The following ZNF578 variants were observed in gnomAD, a reference collection of about 807,000 sequenced individuals.
ZNF578 encodes zinc finger protein 578.
ZNF578 carries 8 observed loss-of-function variants against 8.3 expected under a neutral mutation model. The observed-to-expected ratio is 0.96, with a 90% CI of 0.56 to 1.74. The LOEUF (loss-of-function observed/expected upper bound fraction) is 1.74. Ranked by LOEUF, ZNF578 falls within the 40% of genes most tolerant of loss-of-function variation. The pLI is 0.00. For missense variants in ZNF578, 726 were observed against 707.5 expected, an observed-to-expected ratio of 1.03 and a Z score of -0.30; for synonymous variants, 206 against 232.2, an observed-to-expected ratio of 0.89 and a Z score of 1.03.
In ZNF578 at chr19:52,515,297, T is replaced by G. The variant is rs1243266352; in HGVS notation, c.*3143T>G. Among the ~76,000 whole-genome samples the G allele has an allele frequency of 6.6e-6, 1 of 152,156 alleles. No homozygotes were observed. Among genetic ancestry groups the G allele is most frequent in the African/African-American group, 2.4e-5 (1 of 41,436 alleles). On this transcript the variant is annotated 3_prime_UTR_variant, in exon 6 of 6. Coordinates refer to ENST00000421239, the MANE Select transcript of ZNF578 (RefSeq NM_001099694.2). ...ATTCTTGATTGAAATAATTTGCTTA[T>G]TTCTTAGTTCTACAGCTGACCCTCT...
Position 52,513,792 on chromosome 19 carries a change from G to A in ZNF578, c.*1638G>A, listed in dbSNP as rs2059460963. Reference sequence around the variant, plus strand: ...TCATCCCACAGCACTTTGGAAGACTGAAGTGAGTGGATCATCTAAGATCAG... The same window carrying A: ...TCATCCCACAGCACTTTGGAAGACTAAAGTGAGTGGATCATCTAAGATCAG... On this transcript the variant is annotated 3_prime_UTR_variant, in exon 6 of 6. Transcript: ENST00000421239. Among the ~76,000 whole-genome samples the A allele has an allele frequency of 6.6e-6, 1 of 151,130 alleles. No individual in the cohort carries two copies. The highest frequency in any genetic ancestry group is 6.6e-5 in the Admixed American group (1 of 15,180).
In ZNF578 at chr19:52,505,878, G is replaced by C. The variant is rs368532501; in HGVS notation, c.190+1097G>C. Reference sequence around the variant, plus strand: ...ACTGTCATTTCCTTCAGACACAGTGGCTTTCAACTTGTTAGTTTCTATGTT... The same window carrying C: ...ACTGTCATTTCCTTCAGACACAGTGCCTTTCAACTTGTTAGTTTCTATGTT... On this transcript the variant is annotated intron_variant, in intron 5 of 5. Transcript: ENST00000421239. 7.2e-5 allele frequency among the ~76,000 whole-genome samples: 11 copies of C among 151,890 alleles called. No homozygotes were observed. In the East Asian group the frequency reaches 9.6e-4, roughly 13 times the overall value.
chr19:52,465,880 G>A (rs149928214), intron 2 of ZNF578, among the ~76,000 whole-genome samples: 68 of 152,310 alleles, frequency 4.5e-4, no homozygotes, highest in South Asian at 4.1e-3. Flanking sequence ...ACGCTTGAGC[G>A]TTCCTTTACC....
At chr19:52,493,278 T>C (rs1310686276) in intron 3 of ZNF578, among the ~76,000 whole-genome samples, 3 of 152,074 alleles carry the variant, frequency 2.0e-5, no homozygotes, top group Non-Finnish European at 2.9e-5. Context: ...CCTGCAGGTG[T>C]CACCCTTGTC....
chr19:52,499,689 G>GTTTTTTC (rs562287276), intron 3 of ZNF578, among the ~76,000 whole-genome samples: 1 of 141,548 alleles, frequency 7.1e-6, no homozygotes, highest in East Asian at 2.0e-4. Context: ...CTTCCAAATC[G>GTTTTTTC]TTTTTTTTTT....
At chr19:52,483,770 G>A (rs2059335363) in intron 2 of ZNF578, among the ~76,000 whole-genome samples, 1 of 152,160 alleles carries the variant, frequency 6.6e-6, no homozygotes, top group Non-Finnish European at 1.5e-5. Flanking sequence ...CTGTACTTGT[G>A]ACATCATAAT....
intron 3 of ZNF578, among the ~76,000 whole-genome samples, chr19:52,495,163 T>G (rs112410513): frequency 0.039 from 5,626 of 143,314 alleles, 624 homozygotes; most frequent in Non-Finnish European, 0.049. Context: ...CTAATTATTA[T>G]TAGTAGTAGT....
At chr19:52,498,009 AAACACCT>A (rs1255526743) in intron 3 of ZNF578, among the ~76,000 whole-genome samples, 1 of 152,186 alleles carries the variant, frequency 6.6e-6, no homozygotes, top group African/African-American at 2.4e-5. Context: ...TCAGTGTTTT[AAACACCT>A]ATTGCTGTGT....
Position 52,484,746 on chromosome 19 carries a change from T to C in ZNF578, c.-121-6578T>C, listed in dbSNP as rs533713757. On this transcript the variant is annotated intron_variant, in intron 2 of 5. Transcript: ENST00000421239. ...CTGGCTCAAAAGCTCCCCCACTGAG[T>C]ACCTTGTGACCCCCACTCTGCCCGC... Among the ~76,000 whole-genome samples the C allele has an allele frequency of 7.9e-3, 1,160 of 147,560 alleles. 17 individuals carry two copies. The highest frequency in any genetic ancestry group is 0.028 in the African/African-American group (1,097 of 39,868).
At chr19:52,468,039 C>T (rs912916217) in intron 2 of ZNF578, among the ~76,000 whole-genome samples, 1 of 151,956 alleles carries the variant, frequency 6.6e-6, no homozygotes, top group Non-Finnish European at 1.5e-5. Flanking sequence ...CATTTATGTG[C>T]CCCCTAAACT....
At chr19:52,456,425 A>G (rs975342000) in intron 1 of ZNF578, 2 of 152,228 alleles carry the variant, frequency 1.3e-5, no homozygotes, top group Non-Finnish European at 2.9e-5. Context: ...GCAGTGTCCC[A>G]CATGATTCTA....
At chr19:52,483,799 TAGTC>T (rs1168988075) in intron 2 of ZNF578, among the ~76,000 whole-genome samples, 3 of 152,214 alleles carry the variant, frequency 2.0e-5, no homozygotes, top group Non-Finnish European at 2.9e-5. Flanking sequence ...CCGACACTGT[TAGTC>T]AGTTCTTATT....
At chr19:52,483,780 T>C (rs112953766) in intron 2 of ZNF578, among the ~76,000 whole-genome samples, 1 of 152,226 alleles carries the variant, frequency 6.6e-6, no homozygotes, top group Non-Finnish European at 1.5e-5. Context: ...GACATCATAA[T>C]TGCACCCTCC....
chr19:52,458,484 T>TATATATATATATA (rs1167339096), intron 2 of ZNF578: 15 of 11,598 alleles, frequency 1.3e-3, no homozygotes, highest in Non-Finnish European at 2.2e-3. Context: ...ATATATATAT[T>TATATATATATATA]TTGAAAATCT....
intron 2 of ZNF578, among the ~76,000 whole-genome samples, chr19:52,464,889 G>C (rs1436804856): frequency 6.6e-6 from 1 of 152,162 alleles, no homozygotes; most frequent in African/African-American, 2.4e-5. Context: ...TTGTAAAAAA[G>C]CAGTCTTTTT....
At chr19:52,467,252 C>G (rs919307725) in intron 2 of ZNF578, among the ~76,000 whole-genome samples, 26 of 152,034 alleles carry the variant, frequency 1.7e-4, no homozygotes, top group African/African-American at 5.1e-4. Flanking sequence ...CTCAAGTGAT[C>G]TGCTGGCCTC....
chr19:52,466,285 C>T (rs1016548696), intron 2 of ZNF578, among the ~76,000 whole-genome samples: 4 of 152,210 alleles, frequency 2.6e-5, no homozygotes, highest in Non-Finnish European at 5.9e-5. Flanking sequence ...TAGGAGCCAG[C>T]AAGTCTGGCC....
chr19:52,508,196 T>C (rs1485749385), intron 5 of ZNF578, among the ~76,000 whole-genome samples: 1 of 151,814 alleles, frequency 6.6e-6, no homozygotes, highest in East Asian at 2.0e-4. Context: ...AATATAAAAA[T>C]TTTCTGTGCG....
At chr19:52,490,295 C>CT (rs1204291670) in intron 2 of ZNF578, among the ~76,000 whole-genome samples, 3 of 152,128 alleles carry the variant, frequency 2.0e-5, no homozygotes, top group African/African-American at 7.2e-5. Flanking sequence ...GTTCTTATTC[C>CT]TTTTAATACT....
Sources: allele counts gnomAD v4.1 joint callset (sites outside exome capture counted in the v4.1 genomes callset), GRCh38; gene constraint gnomAD v4.1.1; transcripts MANE v1.5; gene names NCBI Gene and HGNC (gene_info 2026-07-23, HGNC 2026-07-21).